Variants in RASGRP1 observed in about 807,000 individuals in gnomAD.
RASGRP1 encodes the protein RAS guanyl-releasing protein 1.
RASGRP1 carries 37 observed loss-of-function variants against 95.1 expected under a neutral mutation model. The ratio of observed to expected loss-of-function variants is 0.39; its 90% CI spans 0.30 to 0.51. RASGRP1 has a LOEUF of 0.51. RASGRP1 is among the 20% of genes least tolerant of loss of function. The probability of loss-of-function intolerance (pLI) is 0.80; values close to 1 mark genes in which losing one functional copy is unlikely to be tolerated. For synonymous variants in RASGRP1, 325 were observed against 353.4 expected (o/e 0.92, Z 0.90); for missense variants, 711 against 965.4 (o/e 0.74, Z 3.49).
intron 2 of RASGRP1, among the ~76,000 whole-genome samples, chr15:38,528,734 CACT>C: frequency 6.6e-6 from 1 of 152,244 alleles, no homozygotes; most frequent in South Asian, 2.1e-4. Context: ...AAAACACTTT[CACT>C]ACTATTTTCT....
intron 1 of RASGRP1, among the ~76,000 whole-genome samples, chr15:38,563,795 G>A (rs1027294830): frequency 4.6e-5 from 7 of 152,198 alleles, no homozygotes; most frequent in Admixed American, 1.3e-4. Context: ...AGCATCGCAA[G>A]CTTCCTGCCG....
At chr15:38,519,446 C>T (rs1891914506) in intron 3 of RASGRP1, 75 bp from the exon 4 acceptor site, 1 of 1,015,306 alleles carries the variant, frequency 9.8e-7, no homozygotes, top group Non-Finnish European at 1.5e-6. Flanking sequence ...GAAGTATTTG[C>T]TGAAACTACC....
At position 38,490,465 on chromosome 15, in the gene RASGRP1, T is replaced by G; in HGVS notation, c.*89A>C. The stretch of plus-strand genomic sequence containing the variant: ...TTTTAAAGTACTGTTTTAAAGCTGG[T>G]CAGTGTAAAGTTCCTCAGGTCTGTG... On this transcript the variant is annotated 3_prime_UTR_variant, in exon 17 of 17. Transcript: ENST00000310803. The G allele has an allele frequency of 7.5e-7, 1 of 1,329,034 alleles. No homozygotes were observed. Among genetic ancestry groups the G allele is most frequent in the Non-Finnish European group, 1.0e-6 (1 of 995,606 alleles). The allele number at this position is 1,329,034 out of a possible 1,614,324, so 82.3% of individuals were successfully genotyped here. A position where few individuals can be genotyped will look rare whatever the true frequency, so the allele number is the denominator to read the frequency against.
At chr15:38,507,219 A>C (rs1891295443) in intron 9 of RASGRP1, among the ~76,000 whole-genome samples, 2 of 152,228 alleles carry the variant, frequency 1.3e-5, no homozygotes, top group Non-Finnish European at 2.9e-5. Context: ...CCCATATGCA[A>C]AATGCAAATC....
At chr15:38,529,746 G>C (rs755152915) in intron 2 of RASGRP1, among the ~76,000 whole-genome samples, 3 of 152,162 alleles carry the variant, frequency 2.0e-5, no homozygotes, top group Non-Finnish European at 4.4e-5. Flanking sequence ...TTGAGTAAAT[G>C]AGTGAACTAT....
chr15:38,549,943 T>C (rs568523648), intron 2 of RASGRP1, among the ~76,000 whole-genome samples: 150 of 152,198 alleles, frequency 9.9e-4, no homozygotes, highest in African/African-American at 3.4e-3. Context: ...TCTCACCCAG[T>C]TGCTAACTTA....
chr15:38,489,392 A>G lies in RASGRP1; in HGVS notation c.*1162T>C, dbSNP rs937105860. ...GTTACTTGTGATTTTGCCAAACAAT[A>G]CAATTTTACCTTGTGAGCAATTTAA... is the stretch of plus-strand genomic sequence containing the variant. On this transcript the variant is annotated 3_prime_UTR_variant, in exon 17 of 17. Transcript: ENST00000310803. 1.3e-5 allele frequency: 2 copies of G among 152,102 alleles called. No homozygotes were observed. Among genetic ancestry groups the G allele is most frequent in the African/African-American group, 2.4e-5 (1 of 41,440 alleles). 9.4% of individuals were successfully genotyped at this position (152,102 alleles called of 1,614,324 possible).
chr15:38,534,557 A>T (rs1183973093), intron 2 of RASGRP1: 1 of 152,208 alleles, frequency 6.6e-6, no homozygotes, highest in African/African-American at 2.4e-5. Context: ...ATTAACCCTG[A>T]CCTGCAATTT....
At chr15:38,543,852 C>A (rs373666598) in intron 2 of RASGRP1, among the ~76,000 whole-genome samples, 5 of 152,032 alleles carry the variant, frequency 3.3e-5, no homozygotes, top group African/African-American at 1.2e-4. Context: ...GCTTTAAATT[C>A]TCTATCTACT....
chr15:38,493,489 A>G (rs1023894012), intron 16 of RASGRP1, among the ~76,000 whole-genome samples: 3 of 151,958 alleles, frequency 2.0e-5, no homozygotes, highest in Admixed American at 1.3e-4. Context: ...CCTGTTTTTA[A>G]TGTCATTATT....
chr15:38,508,320 A>G (rs1486398845), intron 8 of RASGRP1, among the ~76,000 whole-genome samples: 4 of 152,212 alleles, frequency 2.6e-5, no homozygotes, highest in Non-Finnish European at 5.9e-5. Context: ...CAAAAATTAA[A>G]AAGGTACAAG....
At position 38,502,388 on chromosome 15, in the gene RASGRP1, C is replaced by T; in HGVS notation, c.1462G>A (p.Gly488Arg). 1.2e-6 allele frequency: 2 copies of T among 1,605,692 alleles called. No individual in the cohort carries two copies. Among genetic ancestry groups the T allele is most frequent in the Non-Finnish European group, 1.7e-6 (2 of 1,172,460 alleles). The change falls in exon 12 of 17, where the codon GGA (glycine) becomes AGA (arginine). Residue 488 changes from glycine (G) to arginine (R), a missense_variant. Physicochemically the swap from Gly to Arg is moderately radical, Grantham distance 125. Around this residue, in one of 3 missense-constraint regions of RASGRP1, gnomAD observed 491 missense variants for 676.6 expected, o/e 0.73. Transcript: ENST00000310803. ...VFKNYDHDQD[G>R]YISQEEFEKI... ...TCAAATTCTTCCTGAGAAATGTATC[C>T]ATCCTGGTCGTGATCATAGTTCTTG...
At chr15:38,542,818 T>C (rs766620233) in intron 2 of RASGRP1, among the ~76,000 whole-genome samples, 1 of 144,428 alleles carries the variant, frequency 6.9e-6, no homozygotes, top group African/African-American at 2.6e-5. Flanking sequence ...TCTTGTCAGA[T>C]ATATACATAT....
chr15:38,516,239 C>T lies in RASGRP1; in HGVS notation c.633G>A (p.Glu211=), dbSNP rs778426307. 2 of 1,602,292 alleles carry T rather than the reference C, an allele frequency of 1.2e-6. No individual in the cohort carries two copies. Among genetic ancestry groups the T allele is most frequent in the Non-Finnish European group, 1.7e-6 (2 of 1,169,348 alleles). ...FDHLEPEELS[E]HLTYLEFKSF... ...ACTTGAACTCAAGGTAGGTGAGGTG[C>T]TCGGATAGCTCTTCTGGTTCCAGAT... The change falls in exon 6 of 17, where the codon GAG becomes GAA. Residue 211 remains glutamate, a synonymous_variant. Coordinates refer to ENST00000310803, the MANE Select transcript of RASGRP1 (RefSeq NM_005739.4).
At chr15:38,521,706 A>G (rs1478157556) in intron 3 of RASGRP1, among the ~76,000 whole-genome samples, 1 of 152,176 alleles carries the variant, frequency 6.6e-6, no homozygotes, top group African/African-American at 2.4e-5. Flanking sequence ...TTTTCTTCAT[A>G]GCTAGTACTG....
intron 16 of RASGRP1, among the ~76,000 whole-genome samples, chr15:38,492,663 C>T (rs780584165): frequency 6.6e-6 from 1 of 152,108 alleles, no homozygotes; most frequent in Non-Finnish European, 1.5e-5. Context: ...GCTTAGTTAT[C>T]TATAATTAAG....
At chr15:38,519,277 A>T (rs2141128223) in intron 4 of RASGRP1, 32 bp downstream of exon 4, 1 of 1,507,254 alleles carries the variant, frequency 6.6e-7, no homozygotes, top group Non-Finnish European at 9.2e-7. Flanking sequence ...ACCTTGCTCC[A>T]CAAAGTCTTG....
chr15:38,498,705 A>G, intron 15 of RASGRP1, 89 bp downstream of exon 15: 1 of 1,493,550 alleles, frequency 6.7e-7, no homozygotes, highest in East Asian at 2.3e-5. Context: ...TTAAACTCAA[A>G]CACAGAGTCA....
chr15:38,505,896 C>T lies in RASGRP1; in HGVS notation c.1267G>A (p.Glu423Lys). 6.2e-7 allele frequency: 1 copy of T among 1,611,676 alleles called. No homozygotes were observed. Among genetic ancestry groups the T allele is most frequent in the Non-Finnish European group, 8.5e-7 (1 of 1,178,706 alleles). ...TAGGAAAGCTCATAGATTTCATCCT[C>T]AGTGTAGTAAAGATCCAGGGATAAC... is the stretch of plus-strand genomic sequence containing the variant. ...LTLSLDLYYT[E>K]DEIYELSYAR... The change falls in exon 10 of 17, where the codon GAG becomes AAG. Residue 423 changes from glutamate to lysine, a missense_variant. Glu to Lys is a moderately conservative substitution (Grantham distance 56). This residue lies in a region of RASGRP1 where 491 missense variants were observed against 676.6 expected (regional missense o/e 0.73). Transcript: ENST00000310803.
Sources: allele counts gnomAD v4.1 joint callset (sites outside exome capture counted in the v4.1 genomes callset), GRCh38; gene constraint gnomAD v4.1.1; regional missense constraint gnomAD v4.1.1; transcripts MANE v1.5; gene names NCBI Gene and HGNC (gene_info 2026-07-23, HGNC 2026-07-21).